Variants in RABGAP1L observed in about 807,000 individuals in gnomAD.
The protein encoded by RABGAP1L is rab GTPase-activating protein 1-like.
A neutral mutation model predicts 137.7 loss-of-function variants in RABGAP1L; 63 were observed. That is an observed-to-expected ratio of 0.46 (90% CI 0.37 to 0.56). The LOEUF is 0.56. RABGAP1L is among the 20% of genes least tolerant of loss of function. The pLI is 0.00. For synonymous variants in RABGAP1L, 431 were observed against 433.7 expected (o/e 0.99, Z 0.08); for missense variants, 1,095 against 1,244.0 (o/e 0.88, Z 1.80).
chr1:174,436,646 G>A (rs1260723921), intron 13 of RABGAP1L, among the ~76,000 whole-genome samples: 4 of 152,174 alleles, frequency 2.6e-5, no homozygotes, highest in African/African-American at 9.7e-5. Flanking sequence ...CTGTGCAGAA[G>A]CTCTTTAGTT....
At chr1:174,686,951 G>A (rs941862320) in intron 15 of RABGAP1L, among the ~76,000 whole-genome samples, 3 of 151,722 alleles carry the variant, frequency 2.0e-5, no homozygotes, top group East Asian at 1.9e-4. Flanking sequence ...GAGCCACCAC[G>A]CCTGGCCACA....
chr1:174,355,085 C>T (rs1336541905), intron 11 of RABGAP1L, among the ~76,000 whole-genome samples: 4 of 152,056 alleles, frequency 2.6e-5, no homozygotes, highest in Non-Finnish European at 5.9e-5. Context: ...ACTAGAAATA[C>T]CATTTGACCC....
chr1:174,192,601 C>T (rs1418420228), intron 1 of RABGAP1L, among the ~76,000 whole-genome samples: 1 of 152,124 alleles, frequency 6.6e-6, no homozygotes, highest in Non-Finnish European at 1.5e-5. Context: ...GGATTACACA[C>T]GTGAGCCACT....
chr1:174,567,345 C>G (rs75134210), intron 13 of RABGAP1L, among the ~76,000 whole-genome samples: 1 of 152,020 alleles, frequency 6.6e-6, no homozygotes, highest in Non-Finnish European at 1.5e-5. Context: ...TGGCATATGT[C>G]AAAATTTAAT....
At chr1:174,968,859 G>A (rs1200404659) in intron 20 of RABGAP1L, among the ~76,000 whole-genome samples, 1 of 152,136 alleles carries the variant, frequency 6.6e-6, no homozygotes, top group East Asian at 1.9e-4. Flanking sequence ...ATGTCTGGTG[G>A]TTTTCCCCTG....
At position 174,905,367 on chromosome 1, in the gene RABGAP1L, A is replaced by T. The variant is rs144467980; in HGVS notation, c.2341-52090A>T. The stretch of plus-strand genomic sequence containing the variant: ...TTAAGGAAACTCAGTGATCACCATC[A>T]TAACAAAGAAGAGCAATTCAGAAAT... On this transcript the variant is annotated intron_variant, in intron 19 of 25. Coordinates refer to ENST00000681986, the MANE Select transcript of RABGAP1L (RefSeq NM_001366446.1). Among the ~76,000 whole-genome samples, 15 of 152,360 alleles carry T rather than the reference A, an allele frequency of 9.8e-5. No individual in the cohort carries two copies. In the East Asian group the frequency reaches 2.7e-3, roughly 27 times the overall value.
rs943629341 is a variant in RABGAP1L at position 174,990,015 on chromosome 1, C to T, written c.*14C>T. On this transcript the variant is annotated 3_prime_UTR_variant, in exon 26 of 26. Coordinates refer to ENST00000681986, the MANE Select transcript of RABGAP1L (RefSeq NM_001366446.1). ...GAGAGCACATAGTTCCAGCCTTACC[C>T]AAGCACAAGAGCACAATGTTCAAAC... 12 of 1,522,788 alleles carry T rather than the reference C, an allele frequency of 7.9e-6. No individual in the cohort carries two copies. In the South Asian group the frequency reaches 1.2e-4, roughly 15 times the overall value. The allele number at this position is 1,522,788 out of a possible 1,614,324, so 94.3% of individuals were successfully genotyped here.
At chr1:174,964,232 T>C (rs1203809069) in intron 20 of RABGAP1L, among the ~76,000 whole-genome samples, 1 of 152,164 alleles carries the variant, frequency 6.6e-6, no homozygotes, top group African/African-American at 2.4e-5. Flanking sequence ...GCACTGAGTC[T>C]TTTAGGAAAA....
chr1:174,612,873 G>C lies in RABGAP1L; in HGVS notation c.1711-24502G>C, dbSNP rs573041842. Among the ~76,000 whole-genome samples the C allele has an allele frequency of 4.6e-5, 7 of 152,120 alleles. No homozygotes were observed. In the East Asian group the frequency reaches 1.4e-3, roughly 29 times the overall value. ...GTATTTGTAGTATTCTCTGATGGTA[G>C]TTTGTATTTCTGTGGGATCGGTGGT... On this transcript the variant is annotated intron_variant, in intron 13 of 25. Transcript: ENST00000681986.
intron 19 of RABGAP1L, among the ~76,000 whole-genome samples, chr1:174,825,751 G>A (rs1055333590): frequency 1.3e-5 from 2 of 152,080 alleles, no homozygotes; most frequent in African/African-American, 2.4e-5. Flanking sequence ...GTGTGGTGGC[G>A]CATGCCTGTA....
intron 1 of RABGAP1L, among the ~76,000 whole-genome samples, chr1:174,161,637 G>C (rs1381745687): frequency 2.0e-5 from 3 of 152,224 alleles, no homozygotes; most frequent in Non-Finnish European, 2.9e-5. Flanking sequence ...CCTCTAGAAA[G>C]CTGGAAACAA....
chr1:174,890,649 T>C (rs1280420462), intron 19 of RABGAP1L, among the ~76,000 whole-genome samples: 1 of 151,990 alleles, frequency 6.6e-6, no homozygotes, highest in East Asian at 1.9e-4. Context: ...GTTTTAGTAG[T>C]TTTTTTTAGA....
intron 11 of RABGAP1L, among the ~76,000 whole-genome samples, chr1:174,320,188 T>C (rs1221307370): frequency 6.6e-6 from 1 of 152,210 alleles, no homozygotes; most frequent in Non-Finnish European, 1.5e-5. Flanking sequence ...ACCAGAATTA[T>C]GATATGAAAC....
rs757639174 is a variant in RABGAP1L, at chr1:174,825,501, T to G, written c.2340+13541T>G. Among the ~76,000 whole-genome samples the G allele has an allele frequency of 3.3e-5, 5 of 152,260 alleles. No individual in the cohort carries two copies. In the East Asian group the frequency reaches 9.6e-4, roughly 29 times the overall value. On this transcript the variant is annotated intron_variant, in intron 19 of 25. Coordinates refer to ENST00000681986, the MANE Select transcript of RABGAP1L (RefSeq NM_001366446.1). ...TACTTTTGTTTCTGTTTCTCATGTC[T>G]GCTGTTTTACATCTGCATTCATTTT...
chr1:174,915,684 C>A (rs6691555), intron 19 of RABGAP1L, among the ~76,000 whole-genome samples: 4 of 152,140 alleles, frequency 2.6e-5, no homozygotes, highest in Non-Finnish European at 4.4e-5. Context: ...CTCAATCTCT[C>A]GACCTCATGA....
chr1:174,697,937 A>G (rs545658779), intron 15 of RABGAP1L, among the ~76,000 whole-genome samples: 1 of 152,344 alleles, frequency 6.6e-6, no homozygotes, highest in East Asian at 1.9e-4. Context: ...AAAACACTAT[A>G]ATGTATTTAT....
intron 14 of RABGAP1L, among the ~76,000 whole-genome samples, chr1:174,639,108 G>A (rs751282941): frequency 6.6e-5 from 10 of 150,384 alleles, no homozygotes; most frequent in Admixed American, 5.3e-4. Flanking sequence ...CAAATGGCAC[G>A]ACTTTCATTA....
rs976363527 is a variant in RABGAP1L, at chr1:174,746,106, C to A, written c.2170-6207C>A. On this transcript the variant is annotated intron_variant, in intron 17 of 25. Coordinates refer to ENST00000681986, the MANE Select transcript of RABGAP1L (RefSeq NM_001366446.1). ...AATCTGTCAGCTCTCTCTGAACCCA[C>A]GATTGCCTGCTTATCAGAGCCAGAA... 5.3e-5 allele frequency among the ~76,000 whole-genome samples: 8 copies of A among 152,178 alleles called. No individual in the cohort carries two copies. In the East Asian group the frequency reaches 1.5e-3, roughly 29 times the overall value.
intron 13 of RABGAP1L, among the ~76,000 whole-genome samples, chr1:174,399,881 A>G (rs1392011711): frequency 2.6e-5 from 4 of 152,170 alleles, no homozygotes; most frequent in African/African-American, 9.7e-5. Flanking sequence ...GGTCCCTCCC[A>G]CGACACATGA....
Sources: allele counts gnomAD v4.1 joint callset (sites outside exome capture counted in the v4.1 genomes callset), GRCh38; gene constraint gnomAD v4.1.1; transcripts MANE v1.5; gene names NCBI Gene and HGNC (gene_info 2026-07-23, HGNC 2026-07-21).